Variants in GALNT13 observed in about 807,000 individuals in gnomAD.
GALNT13 encodes polypeptide N-acetylgalactosaminyltransferase 13, also known as UDP-GalNAc:polypeptide N-acetylgalactosaminyltransferase 13.
In GALNT13, 28 loss-of-function variants were observed where a neutral mutation model predicts 64.2. The ratio of observed to expected loss-of-function variants is 0.44; its 90% CI spans 0.32 to 0.60. The LOEUF is 0.60. Among genes scored for constraint, GALNT13 ranks in the 20% least tolerant of loss-of-function variants. GALNT13 has a pLI of 0.05. For synonymous variants in GALNT13, 214 were observed against 224.6 expected, an observed-to-expected ratio of 0.95 and a Z score of 0.42; for missense variants, 577 against 669.8, an observed-to-expected ratio of 0.86 and a Z score of 1.53.
At chr2:153,951,213 C>G (rs1415166572) in intron 3 of GALNT13, among the ~76,000 whole-genome samples, 1 of 152,016 alleles carries the variant, frequency 6.6e-6, no homozygotes, top group Non-Finnish European at 1.5e-5. Flanking sequence ...GTGTCTTTTT[C>G]TCTATGTGGA....
At chr2:154,232,729 A>G (rs1559039243) in intron 4 of GALNT13, among the ~76,000 whole-genome samples, 1 of 152,040 alleles carries the variant, frequency 6.6e-6, no homozygotes, top group Admixed American at 6.6e-5. Flanking sequence ...TTATTTATCA[A>G]GTGGGAGCAA....
chr2:153,252,817 T>C, the GALNT13 span, among the ~76,000 whole-genome samples: 1 of 152,226 alleles, frequency 6.6e-6, no homozygotes, highest in East Asian at 1.9e-4. Context: ...CTCTGTTCTG[T>C]TACATTGGTC....
chr2:154,224,705 C>T (rs1688495421), intron 4 of GALNT13, among the ~76,000 whole-genome samples: 1 of 152,022 alleles, frequency 6.6e-6, no homozygotes, highest in Non-Finnish European at 1.5e-5. Context: ...ACTGGTTTAT[C>T]ATTTGATAAA....
the GALNT13 span, among the ~76,000 whole-genome samples, chr2:153,542,958 T>C: frequency 2.6e-5 from 4 of 152,332 alleles, no homozygotes; most frequent in African/African-American, 7.2e-5. Context: ...TAATGACTTA[T>C]ATGATTTTGT....
In GALNT13 at chr2:154,450,413, AC is replaced by A; in HGVS notation, c.1534del (p.Leu512SerfsTer38). The A allele has an allele frequency of 6.2e-7, 1 of 1,608,324 alleles. No individual in the cohort carries two copies. The highest frequency in any genetic ancestry group is 8.5e-7 in the Non-Finnish European group (1 of 1,177,628). ...NQLWEYDAER[L>X]TLRHVNSNQC... ...TGATTATTGGTTATCTTTTACAGAGACTCACGTTGCGACATGTTAACAGTAA... is the reference window on the plus strand; with the variant it reads ...TGATTATTGGTTATCTTTTACAGAGATCACGTTGCGACATGTTAACAGTAA... On this transcript the variant is annotated frameshift_variant, in exon 13 of 13. Coordinates refer to ENST00000392825, the MANE Select transcript of GALNT13 (RefSeq NM_052917.4). LOFTEE classifies it high-confidence loss of function.
At chr2:154,248,131 T>G (rs1689880549) in intron 7 of GALNT13, among the ~76,000 whole-genome samples, 2 of 152,136 alleles carry the variant, frequency 1.3e-5, no homozygotes, top group African/African-American at 4.8e-5. Context: ...TCATTTAAAA[T>G]GTCAGTTATG....
At chr2:154,259,687 G>C (rs536447115) in intron 8 of GALNT13, among the ~76,000 whole-genome samples, 1 of 152,062 alleles carries the variant, frequency 6.6e-6, no homozygotes, top group Non-Finnish European at 1.5e-5. Flanking sequence ...AAGTCCTTAC[G>C]AATATGTTAT....
chr2:154,435,963 C>G (rs1202553543), intron 11 of GALNT13: 10 of 151,862 alleles, frequency 6.6e-5, no homozygotes, highest in Non-Finnish European at 1.5e-5. Context: ...CAGATAAAAT[C>G]AAGAAGGATA....
the GALNT13 span, among the ~76,000 whole-genome samples, chr2:153,338,392 A>G: frequency 6.6e-6 from 1 of 152,236 alleles, no homozygotes; most frequent in Non-Finnish European, 1.5e-5. Context: ...ACAACTAATA[A>G]GTGATAAAAC....
intron 11 of GALNT13, among the ~76,000 whole-genome samples, chr2:154,427,281 G>A (rs1700513770): frequency 6.6e-6 from 1 of 152,168 alleles, no homozygotes; most frequent in South Asian, 2.1e-4. Context: ...TAATCTTCTA[G>A]AGCCCATTGT....
chr2:154,407,768 C>G (rs928774731), intron 10 of GALNT13, among the ~76,000 whole-genome samples: 1 of 151,998 alleles, frequency 6.6e-6, no homozygotes, highest in Non-Finnish European at 1.5e-5. Flanking sequence ...CCAGTTTTTT[C>G]TAACATTTAC....
the GALNT13 span, among the ~76,000 whole-genome samples, chr2:153,257,734 C>T: frequency 1.3e-5 from 2 of 152,112 alleles, no homozygotes; most frequent in Admixed American, 1.3e-4. Context: ...TTCTCTAGAA[C>T]TTGGAAACTA....
At chr2:154,112,982 A>G (rs569472334) in intron 3 of GALNT13, among the ~76,000 whole-genome samples, 3 of 152,094 alleles carry the variant, frequency 2.0e-5, no homozygotes, top group Non-Finnish European at 4.4e-5. Flanking sequence ...TACCACTTCT[A>G]TTTAATGATG....
At chr2:153,463,421 A>T in the GALNT13 span, among the ~76,000 whole-genome samples, 1 of 152,028 alleles carries the variant, frequency 6.6e-6, no homozygotes, top group Non-Finnish European at 1.5e-5. Flanking sequence ...ATCTAATTAG[A>T]TTTGTAAATA....
the GALNT13 span, among the ~76,000 whole-genome samples, chr2:153,153,504 C>T: frequency 1.3e-5 from 2 of 151,874 alleles, no homozygotes; most frequent in African/African-American, 4.8e-5. Context: ...GATTGTCTTC[C>T]AGAGTTTTTA....
At chr2:154,006,018 A>G (rs965470909) in intron 3 of GALNT13, among the ~76,000 whole-genome samples, 1 of 152,202 alleles carries the variant, frequency 6.6e-6, no homozygotes, top group African/African-American at 2.4e-5. Flanking sequence ...GAAAATGGGT[A>G]CATTCATTAA....
chr2:153,441,575 C>T, the GALNT13 span, among the ~76,000 whole-genome samples: 1 of 152,288 alleles, frequency 6.6e-6, no homozygotes, highest in African/African-American at 2.4e-5. Context: ...TCTTCCTATT[C>T]ATGAGCATGG....
chr2:153,387,671 A>G, the GALNT13 span, among the ~76,000 whole-genome samples: 4 of 152,218 alleles, frequency 2.6e-5, no homozygotes, highest in Non-Finnish European at 5.9e-5. Flanking sequence ...TATAGGAATA[A>G]AAAGTCACTC....
At chr2:153,404,687 A>G in the GALNT13 span, among the ~76,000 whole-genome samples, 1 of 152,200 alleles carries the variant, frequency 6.6e-6, no homozygotes, top group African/African-American at 2.4e-5. Flanking sequence ...TTCAGGATCA[A>G]TATCTTCAAC....
Sources: allele counts gnomAD v4.1 joint callset (sites outside exome capture counted in the v4.1 genomes callset), GRCh38; gene constraint gnomAD v4.1.1; transcripts MANE v1.5; gene names NCBI Gene and HGNC (gene_info 2026-07-23, HGNC 2026-07-21).